Variants in TG observed in about 807,000 individuals in gnomAD.
TG encodes thyroid hormones.
A neutral mutation model predicts 324.7 loss-of-function variants in TG; 270 were observed. That is an observed-to-expected ratio of 0.83 (90% CI 0.75 to 0.92). The LOEUF (loss-of-function observed/expected upper bound fraction) is 0.92. TG is among the 40% of genes least tolerant of loss of function. TG has a pLI of 0.00. For missense variants in TG, 3,591 were observed against 3,456.4 expected, an observed-to-expected ratio of 1.04 and a Z score of -0.98; for synonymous variants, 1,401 against 1,327.0, an observed-to-expected ratio of 1.06 and a Z score of -1.21.
chr8:132,889,337 A>C (rs1563915165), intron 10 of TG, among the ~76,000 whole-genome samples: 1 of 152,204 alleles, frequency 6.6e-6, no homozygotes, highest in South Asian at 2.1e-4. Flanking sequence ...AAAATCTCTC[A>C]ATTCATTCTT....
At chr8:133,110,337 G>A (rs1022207896) in intron 43 of TG, among the ~76,000 whole-genome samples, 19 of 152,224 alleles carry the variant, frequency 1.2e-4, no homozygotes, top group African/African-American at 4.6e-4. Flanking sequence ...TTCACTCATC[G>A]CCCAATCTCC....
chr8:132,963,139 A>T, intron 29 of TG, 65 bp downstream of exon 29: 1 of 1,450,572 alleles, frequency 6.9e-7, no homozygotes, highest in Non-Finnish European at 9.7e-7. Flanking sequence ...TGGGTGCACC[A>T]AGAGTTTAAT....
At chr8:132,938,397 A>T (rs944802559) in intron 25 of TG, among the ~76,000 whole-genome samples, 12 of 152,168 alleles carry the variant, frequency 7.9e-5, no homozygotes, top group Non-Finnish European at 5.9e-5. Context: ...TTCTTTAGAG[A>T]TTATCTAGCC....
intron 40 of TG, among the ~76,000 whole-genome samples, chr8:133,027,525 C>T (rs1489392711): frequency 7.9e-5 from 12 of 152,106 alleles, no homozygotes; most frequent in Admixed American, 2.6e-4. Context: ...GCAGAGGGGG[C>T]GGCCCCTGGG....
intron 8 of TG, 110 bp downstream of exon 8, chr8:132,883,109 C>T: frequency 1.7e-6 from 2 of 1,192,216 alleles, no homozygotes; most frequent in Non-Finnish European, 2.3e-6. Context: ...CTAGTGTGCC[C>T]CTCTGGCCCT....
chr8:133,130,949 C>T (rs1332930817), intron 45 of TG, among the ~76,000 whole-genome samples: 2 of 152,156 alleles, frequency 1.3e-5, no homozygotes. Context: ...CCCCTATTAA[C>T]CCTGGGCCTC....
intron 34 of TG, among the ~76,000 whole-genome samples, chr8:132,977,779 G>A (rs1830353068): frequency 6.6e-6 from 1 of 152,106 alleles, no homozygotes; most frequent in African/African-American, 2.4e-5. Context: ...GGAATCATGG[G>A]AGCTACAAGA....
At chr8:133,025,215 T>C (rs1835967366) in intron 40 of TG, among the ~76,000 whole-genome samples, 1 of 152,196 alleles carries the variant, frequency 6.6e-6, no homozygotes, top group South Asian at 2.1e-4. Context: ...AGATTCAGGC[T>C]TCTTGCTATG....
Position 133,039,933 on chromosome 8 carries a change from T to A in TG, c.7239+9910T>A, listed in dbSNP as rs1564102473. Reference sequence around the variant, plus strand: ...GCACACACACCGTTTTGTGCTCACATGTTCACAGAGCACTTGCATGCACAC... The same window carrying A: ...GCACACACACCGTTTTGTGCTCACAAGTTCACAGAGCACTTGCATGCACAC... On this transcript the variant is annotated intron_variant, in intron 41 of 47. Coordinates refer to ENST00000220616, the MANE Select transcript of TG (RefSeq NM_003235.5). 8 of 1,520,858 alleles carry A rather than the reference T, an allele frequency of 5.3e-6. No homozygotes were observed. The East Asian group carries it at 2.0e-4, about 38-fold the overall frequency. The allele number at this position is 1,520,858 out of a possible 1,614,324, so 94.2% of individuals were successfully genotyped here. A position where few individuals can be genotyped will look rare whatever the true frequency, so the allele number is the denominator to read the frequency against.
In TG at chr8:133,040,563, G is replaced by T. The variant is rs190712537; in HGVS notation, c.7239+10540G>T. Among the ~76,000 whole-genome samples, 675 of 152,306 alleles carry T rather than the reference G, an allele frequency of 4.4e-3. 2 individuals carry two copies. The highest frequency in any genetic ancestry group is 7.1e-3 in the Non-Finnish European group (481 of 68,020). ...GCCCAATCCATTAACCTCACAGGGT[G>T]TGAGAATGGGGCTGCATACAGCGCT... On this transcript the variant is annotated intron_variant, in intron 41 of 47. Transcript: ENST00000220616.
chr8:133,042,427 C>G (rs1399615948), intron 41 of TG, among the ~76,000 whole-genome samples: 1 of 152,156 alleles, frequency 6.6e-6, no homozygotes, highest in African/African-American at 2.4e-5. Context: ...CCCATGCACT[C>G]TGTTCTCTCA....
Position 133,017,924 on chromosome 8 carries a change from C to T in TG, c.6709C>T (p.Pro2237Ser), listed in dbSNP as rs1241079774. 2.3e-5 allele frequency: 37 copies of T among 1,614,098 alleles called. No homozygotes were observed. The highest frequency in any genetic ancestry group is 2.8e-5 in the Non-Finnish European group (33 of 1,180,044). The change falls in exon 38 of 48, where the codon CCC becomes TCC. Residue 2237 changes from proline to serine, a missense_variant. Pro to Ser is a moderately conservative substitution (Grantham distance 74). Transcript: ENST00000220616. ...QFLGVPYAAP[P>S]LAERRFQAPE... is the part of the protein sequence containing the mutation. ...CCTTGGAGTTCCATATGCTGCCCCG[C>T]CCCTGGCAGAGAGGCGCTTCCAGGC... is the stretch of plus-strand genomic sequence containing the variant.
At chr8:132,928,296 C>T (rs1234680362) in intron 22 of TG, among the ~76,000 whole-genome samples, 1 of 152,186 alleles carries the variant, frequency 6.6e-6, no homozygotes, top group Non-Finnish European at 1.5e-5. Flanking sequence ...AACCAATACT[C>T]ATGTGCCTTT....
chr8:132,993,817 G>C (rs1832617704), intron 35 of TG, among the ~76,000 whole-genome samples: 1 of 152,172 alleles, frequency 6.6e-6, no homozygotes. Flanking sequence ...TATATTTAAA[G>C]GATATGGAGC....
intron 8 of TG, 31 bp from the exon 9 acceptor site, chr8:132,886,417 C>A (rs1815429959): frequency 6.2e-7 from 1 of 1,613,868 alleles, no homozygotes; most frequent in African/African-American, 1.3e-5. Context: ...ACATTAAAAC[C>A]TTTTCTCCCA....
chr8:133,102,582 T>A, intron 43 of TG: 1 of 1,551,340 alleles, frequency 6.4e-7, no homozygotes, highest in Non-Finnish European at 8.7e-7. Context: ...CCTGAGATGT[T>A]CTCCATTCGC....
intron 28 of TG, among the ~76,000 whole-genome samples, chr8:132,962,100 G>T (rs1242527201): frequency 6.6e-6 from 1 of 152,084 alleles, no homozygotes; most frequent in Non-Finnish European, 1.5e-5. Context: ...ATGTTGGTGG[G>T]GGTGGTGGTG....
chr8:133,127,924 C>T (rs1466750240), intron 45 of TG, among the ~76,000 whole-genome samples: 1 of 152,106 alleles, frequency 6.6e-6, no homozygotes, highest in East Asian at 1.9e-4. Context: ...TCGCCTCATC[C>T]ACTCACTAAC....
intron 22 of TG, among the ~76,000 whole-genome samples, chr8:132,925,926 A>G (rs1227075645): frequency 6.6e-6 from 1 of 152,194 alleles, no homozygotes; most frequent in African/African-American, 2.4e-5. Context: ...CTGAGCTTTG[A>G]CAACTTTGAT....
Sources: allele counts gnomAD v4.1 joint callset (sites outside exome capture counted in the v4.1 genomes callset), GRCh38; gene constraint gnomAD v4.1.1; transcripts MANE v1.5; gene names NCBI Gene and HGNC (gene_info 2026-07-23, HGNC 2026-07-21).